The following COTL1 variants were observed in gnomAD, a reference collection of about 807,000 sequenced individuals.
COTL1 encodes the protein coactosin like F-actin binding protein 1, also known as coactosin-like protein.
In COTL1, 15 loss-of-function variants were observed where a neutral mutation model predicts 16.5. The observed-to-expected ratio is 0.91, with a 90% CI of 0.61 to 1.40. The LOEUF is 1.40. Ranked by LOEUF, COTL1 falls within the 40% of genes most tolerant of loss-of-function variation. The probability of loss-of-function intolerance (pLI) is 0.00; values close to 1 mark genes in which losing one functional copy is unlikely to be tolerated. For synonymous variants in COTL1, 112 were observed against 85.3 expected, an observed-to-expected ratio of 1.31 and a Z score of -1.73; for missense variants, 220 against 201.5, an observed-to-expected ratio of 1.09 and a Z score of -0.56.
intron 3 of COTL1, among the ~76,000 whole-genome samples, chr16:84,583,797 T>C (rs1053900635): frequency 3.3e-5 from 5 of 152,118 alleles, no homozygotes; most frequent in East Asian, 1.9e-4. Context: ...TAGACTCCAA[T>C]TGGCTAGTTC....
At chr16:84,578,773 G>A (rs1038042901) in intron 3 of COTL1, among the ~76,000 whole-genome samples, 4 of 147,848 alleles carry the variant, frequency 2.7e-5, no homozygotes, top group Non-Finnish European at 6.0e-5. Context: ...ACAGGCATGT[G>A]CAGACATACA....
intron 2 of COTL1, among the ~76,000 whole-genome samples, chr16:84,614,294 C>G (rs1292861935): frequency 1.3e-5 from 2 of 152,132 alleles, no homozygotes; most frequent in East Asian, 1.9e-4. Flanking sequence ...CAGGCAAGCT[C>G]GGGAAGAAGC....
chr16:84,580,054 G>A (rs569999237), intron 3 of COTL1, among the ~76,000 whole-genome samples: 17 of 152,362 alleles, frequency 1.1e-4, no homozygotes, highest in African/African-American at 4.1e-4. Flanking sequence ...GAGGCCAGCT[G>A]CTGGCAGGTG....
chr16:84,582,195 A>G (rs1044639541), intron 3 of COTL1, among the ~76,000 whole-genome samples: 5 of 151,698 alleles, frequency 3.3e-5, no homozygotes, highest in African/African-American at 9.7e-5. Flanking sequence ...GGGTTTTACT[A>G]TGTTGGCCAG....
chr16:84,585,369 A>C (rs1197328911), intron 3 of COTL1, among the ~76,000 whole-genome samples: 1 of 151,584 alleles, frequency 6.6e-6, no homozygotes, highest in Non-Finnish European at 1.5e-5. Flanking sequence ...AAAAAAAAAA[A>C]ATCGCCCCCC....
At chr16:84,575,111 C>G (rs1904422807) in intron 3 of COTL1, among the ~76,000 whole-genome samples, 2 of 152,100 alleles carry the variant, frequency 1.3e-5, no homozygotes, top group South Asian at 4.1e-4. Context: ...AATCTCAGTT[C>G]ACTGTAACCT....
chr16:84,587,027 G>A (rs1216534502), intron 3 of COTL1, among the ~76,000 whole-genome samples: 27 of 152,218 alleles, frequency 1.8e-4, no homozygotes, highest in Admixed American at 1.8e-3. Flanking sequence ...AGTGGGCCAA[G>A]CACGGCGGGC....
At chr16:84,579,697 C>G (rs1904536134) in intron 3 of COTL1, among the ~76,000 whole-genome samples, 1 of 152,148 alleles carries the variant, frequency 6.6e-6, no homozygotes, top group Non-Finnish European at 1.5e-5. Flanking sequence ...ATAAAACCAC[C>G]ACGGGGCGAA....
At chr16:84,598,273 G>C (rs1350839052) in intron 2 of COTL1, among the ~76,000 whole-genome samples, 1 of 152,142 alleles carries the variant, frequency 6.6e-6, no homozygotes. Flanking sequence ...TCCTTCCACT[G>C]GTCTATGAAG....
chr16:84,581,658 T>C (rs1023546268), intron 3 of COTL1, among the ~76,000 whole-genome samples: 2 of 151,734 alleles, frequency 1.3e-5, no homozygotes, highest in Non-Finnish European at 2.9e-5. Flanking sequence ...CGTGTGCCAC[T>C]ATGCCCAGCC....
chr16:84,595,043 T>C (rs1904966121), intron 2 of COTL1: 2 of 151,930 alleles, frequency 1.3e-5, no homozygotes, highest in African/African-American at 4.8e-5. Context: ...CCCCGGAGGG[T>C]CACAGATTCT....
intron 2 of COTL1, chr16:84,594,567 TGA>T (rs1567536461): frequency 6.6e-6 from 1 of 152,212 alleles, no homozygotes; most frequent in Non-Finnish European, 1.5e-5. Flanking sequence ...AGCCTTGACC[TGA>T]GGGGGAGGAG....
intron 3 of COTL1, among the ~76,000 whole-genome samples, chr16:84,583,874 C>G: frequency 6.6e-6 from 1 of 152,110 alleles, no homozygotes; most frequent in South Asian, 2.1e-4. Flanking sequence ...CCTCTGTTGT[C>G]CTCTGTTCCT....
At chr16:84,570,861 A>G (rs890629879) in intron 3 of COTL1, among the ~76,000 whole-genome samples, 1 of 152,234 alleles carries the variant, frequency 6.6e-6, no homozygotes, top group African/African-American at 2.4e-5. Flanking sequence ...GAACTGGCTC[A>G]TACCTAAAAG....
Position 84,566,495 on chromosome 16 carries a change from C to G in COTL1, c.*350G>C. On this transcript the variant is annotated 3_prime_UTR_variant, in exon 4 of 4. Transcript: ENST00000262428. ...CATGCAGATCTCACTAGGCAGACCT[C>G]GTCGCGTGGAAGAGAAATGCCAGGA... The G allele has an allele frequency of 5.0e-6, 1 of 201,772 alleles. No homozygotes were observed. The allele number at this position is 201,772 out of a possible 1,614,324, so 12.5% of individuals were successfully genotyped here. A position where few individuals can be genotyped will look rare whatever the true frequency, so the allele number is the denominator to read the frequency against.
At chr16:84,577,723 C>T (rs1904485175) in intron 3 of COTL1, among the ~76,000 whole-genome samples, 1 of 152,184 alleles carries the variant, frequency 6.6e-6, no homozygotes. Context: ...GACAGAGGCA[C>T]ACGGCTGTAT....
intron 2 of COTL1, chr16:84,596,644 A>G (rs1270697008): frequency 4.6e-5 from 7 of 152,318 alleles, no homozygotes; most frequent in Admixed American, 4.6e-4. Flanking sequence ...CACCCAGGGC[A>G]TGGTGCCATC....
chr16:84,608,009 A>G (rs1012650614), intron 2 of COTL1, among the ~76,000 whole-genome samples: 4 of 152,206 alleles, frequency 2.6e-5, no homozygotes, highest in Non-Finnish European at 5.9e-5. Flanking sequence ...CAGAAGCACA[A>G]GCGAGGGGGA....
chr16:84,615,774 A>G (rs1194970822), intron 2 of COTL1, among the ~76,000 whole-genome samples: 1 of 152,148 alleles, frequency 6.6e-6, no homozygotes, highest in African/African-American at 2.4e-5. Context: ...GCAGTGCTTT[A>G]TGCTGCGATT....
Sources: gnomAD v4.1 joint callset for allele counts (sites outside exome capture counted in the v4.1 genomes callset) on GRCh38, gnomAD v4.1.1 for gene constraint, MANE v1.5 for transcripts, NCBI Gene and HGNC (gene_info 2026-07-23, HGNC 2026-07-21) for gene names.